Variants in PKN2 observed in about 807,000 individuals in gnomAD.
PKN2 encodes the protein protein kinase N2, also known as serine/threonine-protein kinase N2.
A neutral mutation model predicts 119.1 loss-of-function variants in PKN2; 38 were observed. The observed-to-expected ratio is 0.32, with a 90% CI of 0.25 to 0.42. The LOEUF (loss-of-function observed/expected upper bound fraction) is 0.42. Ranked by LOEUF, PKN2 falls within the 10% of genes least tolerant of loss-of-function variation. The probability of loss-of-function intolerance (pLI) is 1.00; values close to 1 mark genes in which losing one functional copy is unlikely to be tolerated. For synonymous variants in PKN2, 390 were observed against 384.9 expected, an observed-to-expected ratio of 1.01 and a Z score of -0.15; for missense variants, 850 against 1,165.1, an observed-to-expected ratio of 0.73 and a Z score of 3.94.
intron 8 of PKN2, among the ~76,000 whole-genome samples, chr1:88,787,038 G>A (rs1557610940): frequency 6.6e-6 from 1 of 151,456 alleles, no homozygotes; most frequent in South Asian, 2.1e-4. Context: ...TCAATGTTTT[G>A]CAGTCTCTAA....
At chr1:88,749,996 T>A (rs928672916) in intron 2 of PKN2, among the ~76,000 whole-genome samples, 1 of 152,210 alleles carries the variant, frequency 6.6e-6, no homozygotes, top group Non-Finnish European at 1.5e-5. Context: ...TCATCTGAGA[T>A]GTCATTCAGC....
At chr1:88,790,581 A>G (rs1181659350) in intron 8 of PKN2, among the ~76,000 whole-genome samples, 4 of 152,116 alleles carry the variant, frequency 2.6e-5, no homozygotes, top group African/African-American at 9.7e-5. Flanking sequence ...GATCTGCTAG[A>G]TCTCTAAAAA....
Position 88,819,832 on chromosome 1 carries a change from A to G in PKN2, c.2280-2109A>G, listed in dbSNP as rs547064607. On this transcript the variant is annotated intron_variant, in intron 16 of 21. Coordinates refer to ENST00000370521, the MANE Select transcript of PKN2 (RefSeq NM_006256.4). ...ACCATGAAATACTATACAGCCATAA[A>G]AAATGATGAGTTCATGTCCTTTGCA... 5.3e-5 allele frequency among the ~76,000 whole-genome samples: 8 copies of G among 152,310 alleles called. 2 individuals are homozygous for G. The highest frequency in any genetic ancestry group is 1.9e-4 in the African/African-American group (8 of 41,570).
intron 1 of PKN2, among the ~76,000 whole-genome samples, chr1:88,715,299 GT>G (rs550966098): frequency 1.1e-4 from 16 of 152,240 alleles, no homozygotes; most frequent in Non-Finnish European, 2.4e-4. Flanking sequence ...GTTAGGGAGG[GT>G]TCCCTCTTTT....
At position 88,804,253 on chromosome 1, in the gene PKN2, C is replaced by T. The variant is rs1020782484; in HGVS notation, c.1282-138C>T. 16 of 653,736 alleles carry T rather than the reference C, an allele frequency of 2.4e-5. No homozygotes were observed. In the South Asian group the frequency reaches 3.4e-4, roughly 14 times the overall value. 40.5% of individuals were successfully genotyped at this position (653,736 alleles called of 1,614,324 possible). A position where few individuals can be genotyped will look rare whatever the true frequency, so the allele number is the denominator to read the frequency against. On this transcript the variant is annotated intron_variant, in intron 8 of 21. Coordinates refer to ENST00000370521, the MANE Select transcript of PKN2 (RefSeq NM_006256.4). ...TACAGTTGAGAAATGTTACAAACCT[C>T]TTTAAAACAGTGTGACCTTTGTGTG...
At chr1:88,684,661 C>T (rs1419093466) in intron 1 of PKN2, 33 bp downstream of exon 1, 14 of 1,495,888 alleles carry the variant, frequency 9.4e-6, no homozygotes, top group Non-Finnish European at 1.2e-5. Context: ...GAGGCGCTGG[C>T]GGAGGAGACA....
At chr1:88,763,763 A>C (rs1231749773) in intron 3 of PKN2, among the ~76,000 whole-genome samples, 1 of 152,200 alleles carries the variant, frequency 6.6e-6, no homozygotes, top group African/African-American at 2.4e-5. Flanking sequence ...AAAACAGTGA[A>C]GATAAGAGTC....
At chr1:88,715,374 T>G (rs1029196329) in intron 1 of PKN2, among the ~76,000 whole-genome samples, 3 of 152,212 alleles carry the variant, frequency 2.0e-5, no homozygotes, top group African/African-American at 7.2e-5. Context: ...GTGGTAAAAT[T>G]TGGCTGTGAA....
rs762258784 is a variant in PKN2 at position 88,760,404 on chromosome 1, A to G, written c.504+28A>G. The G allele has an allele frequency of 3.9e-5, 49 of 1,248,372 alleles. No homozygotes were observed. In the East Asian group the frequency reaches 9.5e-4, roughly 24 times the overall value. The allele number at this position is 1,248,372 out of a possible 1,614,324, so 77.3% of individuals were successfully genotyped here. Reference sequence around the variant, plus strand: ...AAGTGTAGTTAATAAATGTAACTATATAGTCAGTCATTATTTGCAGATTCC... The same window carrying G: ...AAGTGTAGTTAATAAATGTAACTATGTAGTCAGTCATTATTTGCAGATTCC... On this transcript the variant is annotated intron_variant, in intron 3 of 21. Transcript: ENST00000370521.
chr1:88,833,261 C>T lies in PKN2; in HGVS notation c.2768C>T (p.Ala923Val), dbSNP rs557444302. The change falls in exon 22 of 22, where the codon GCT (alanine) becomes GTT (valine). Residue 923 changes from alanine to valine, a missense_variant. Transcript: ENST00000370521. Reference sequence around the variant, plus strand: ...ATGATCCAGCTAATTGATTGGAGCGCTCTGATGGACAAAAAAGTAAAGCCA... The same window carrying T: ...ATGATCCAGCTAATTGATTGGAGCGTTCTGATGGACAAAAAAGTAAAGCCA... ...HPFFRLIDWS[A>V]LMDKKVKPPF... 1 of 1,613,070 alleles carries T rather than the reference C, an allele frequency of 6.2e-7. No individual in the cohort carries two copies. Among genetic ancestry groups the T allele is most frequent in the Admixed American group, 1.7e-5 (1 of 59,922 alleles).
chr1:88,720,357 T>G (rs1667624901), intron 1 of PKN2, among the ~76,000 whole-genome samples: 1 of 152,184 alleles, frequency 6.6e-6, no homozygotes, highest in African/African-American at 2.4e-5. Context: ...ACTCGTAGGC[T>G]TCATGATTTC....
chr1:88,830,131 G>A lies in PKN2; in HGVS notation c.2562+1508G>A, dbSNP rs537425007. The stretch of plus-strand genomic sequence containing the variant: ...AGAGACACAAAGAGATTAATGACTT[G>A]CTTAAAGTCACACAGCTCTCATATG... On this transcript the variant is annotated intron_variant, in intron 19 of 21. Coordinates refer to ENST00000370521, the MANE Select transcript of PKN2 (RefSeq NM_006256.4). Among the ~76,000 whole-genome samples, 6 of 152,194 alleles carry A rather than the reference G, an allele frequency of 3.9e-5. 1 individual carries two copies. In the South Asian group the frequency reaches 1.2e-3, roughly 32 times the overall value.
chr1:88,693,681 A>G (rs558338331), intron 1 of PKN2, among the ~76,000 whole-genome samples: 13 of 152,312 alleles, frequency 8.5e-5, no homozygotes, highest in African/African-American at 3.1e-4. Flanking sequence ...ATTGCACTCT[A>G]ACCTGGGCAG....
chr1:88,824,515 A>G (rs141420769), intron 18 of PKN2, 129 bp downstream of exon 18: 928 of 589,724 alleles, frequency 1.6e-3, no homozygotes, highest in Admixed American at 3.7e-3. Context: ...GACATTGTAG[A>G]TACAATGAAA....
intron 18 of PKN2, among the ~76,000 whole-genome samples, chr1:88,827,592 C>T (rs529515014): frequency 2.0e-5 from 3 of 149,480 alleles, no homozygotes; most frequent in African/African-American, 4.9e-5. Flanking sequence ...GGATGTTCAA[C>T]CTGTACTCTC....
intron 18 of PKN2, 125 bp downstream of exon 18, chr1:88,824,511 G>T: frequency 1.7e-6 from 1 of 594,838 alleles, no homozygotes. Flanking sequence ...TTAAGACATT[G>T]TAGATACAAT....
At chr1:88,795,698 A>G (rs1671036977) in intron 8 of PKN2, among the ~76,000 whole-genome samples, 1 of 152,236 alleles carries the variant, frequency 6.6e-6, no homozygotes, top group African/African-American at 2.4e-5. Flanking sequence ...AGTAATCAAC[A>G]CAAGCATCTC....
chr1:88,762,310 T>C (rs771951331), intron 3 of PKN2, among the ~76,000 whole-genome samples: 18 of 152,212 alleles, frequency 1.2e-4, no homozygotes, highest in Admixed American at 3.3e-4. Context: ...TTTGCATAGC[T>C]TTTTATTTTT....
intron 1 of PKN2, among the ~76,000 whole-genome samples, chr1:88,708,662 A>G (rs1054854655): frequency 5.5e-5 from 8 of 144,364 alleles, no homozygotes; most frequent in Admixed American, 7.2e-5. Flanking sequence ...GGGTTTCACC[A>G]TATTGGCCAG....
Sources: allele counts gnomAD v4.1 joint callset (sites outside exome capture counted in the v4.1 genomes callset), GRCh38; gene constraint gnomAD v4.1.1; transcripts MANE v1.5; gene names NCBI Gene and HGNC (gene_info 2026-07-23, HGNC 2026-07-21).